The following TOM1L2 variants were observed in gnomAD, a reference collection of about 807,000 sequenced individuals.
The protein encoded by TOM1L2 is target of myb1 like 2 membrane trafficking protein, also known as TOM1-like protein 2.
In TOM1L2, 31 loss-of-function variants were observed where a neutral mutation model predicts 67.9. The ratio of observed to expected loss-of-function variants is 0.46; its 90% CI spans 0.34 to 0.62. The LOEUF is 0.62. TOM1L2 is among the 20% of genes least tolerant of loss of function. The pLI, the probability that TOM1L2 is intolerant of heterozygous loss-of-function variation, is 0.01. For synonymous variants in TOM1L2, 256 were observed against 254.0 expected, an observed-to-expected ratio of 1.01 and a Z score of -0.07; for missense variants, 606 against 663.5, an observed-to-expected ratio of 0.91 and a Z score of 0.95.
At chr17:17,954,464 C>T (rs570154265) in intron 1 of TOM1L2, among the ~76,000 whole-genome samples, 23 of 152,270 alleles carry the variant, frequency 1.5e-4, no homozygotes, top group African/African-American at 5.1e-4. Context: ...AGGAACCCAC[C>T]ACCATGTCCT....
chr17:17,926,238 T>C (rs1598351752), intron 1 of TOM1L2, among the ~76,000 whole-genome samples: 1 of 141,394 alleles, frequency 7.1e-6, no homozygotes, highest in African/African-American at 2.7e-5. Flanking sequence ...GTAAGCTTCA[T>C]TACTTAGTCT....
chr17:17,946,818 G>C (rs972840540), intron 1 of TOM1L2, among the ~76,000 whole-genome samples: 4 of 152,074 alleles, frequency 2.6e-5, no homozygotes, highest in African/African-American at 4.8e-5. Flanking sequence ...TCTGCCTCCT[G>C]GGTTCAAGCC....
intron 1 of TOM1L2, among the ~76,000 whole-genome samples, chr17:17,940,943 T>TAGA (rs1277831498): frequency 1.3e-5 from 2 of 152,224 alleles, no homozygotes; most frequent in East Asian, 3.8e-4. Context: ...GGCTTCTCTA[T>TAGA]GATGCTTGCA....
chr17:17,911,873 C>T (rs1329837545), intron 1 of TOM1L2, among the ~76,000 whole-genome samples: 1 of 148,106 alleles, frequency 6.8e-6, no homozygotes, highest in Admixed American at 6.8e-5. Flanking sequence ...AGCATGCTGC[C>T]TTCAAGCATC....
intron 11 of TOM1L2, 171 bp downstream of exon 11, chr17:17,862,560 G>T: frequency 1.6e-6 from 1 of 627,210 alleles, no homozygotes; most frequent in South Asian, 1.9e-5. Flanking sequence ...GAGGTGGGCA[G>T]TTGGTATTTA....
At chr17:17,966,095 T>G (rs1400694462) in intron 1 of TOM1L2, among the ~76,000 whole-genome samples, 2 of 152,144 alleles carry the variant, frequency 1.3e-5, no homozygotes, top group Non-Finnish European at 2.9e-5. Flanking sequence ...CACTCCACCC[T>G]GGGCAACAGA....
intron 12 of TOM1L2, among the ~76,000 whole-genome samples, chr17:17,856,175 G>A (rs985769188): frequency 6.6e-6 from 1 of 152,228 alleles, no homozygotes; most frequent in African/African-American, 2.4e-5. Context: ...GGATTAATAG[G>A]CACAAGGGCA....
intron 1 of TOM1L2, among the ~76,000 whole-genome samples, chr17:17,953,190 G>A (rs1026218724): frequency 5.3e-5 from 8 of 152,198 alleles, no homozygotes; most frequent in Non-Finnish European, 1.5e-5. Context: ...TGAGGCAGGA[G>A]AACTGCTTGA....
chr17:17,857,843 A>G, intron 12 of TOM1L2: 1 of 1,535,696 alleles, frequency 6.5e-7, no homozygotes, highest in Non-Finnish European at 8.7e-7. Context: ...TTCTGGGCCG[A>G]GGACAGAAAA....
rs575912439 is a variant in TOM1L2 at position 17,910,561 on chromosome 17, C to CTAT, written c.53-3033_53-3031dup. Among the ~76,000 whole-genome samples, 655 of 151,798 alleles carry CTAT rather than the reference C, an allele frequency of 4.3e-3. 6 individuals carry two copies. The highest frequency in any genetic ancestry group is 0.015 in the African/African-American group (608 of 41,378). ...ATGGGGTGGGATTCAGTGATTATTA[C>CTAT]TATTATTATTATTATTATTTTTATG... On this transcript the variant is annotated intron_variant, in intron 1 of 14. Transcript: ENST00000379504.
At chr17:17,864,508 CTTTT>C (rs1170977424) in intron 10 of TOM1L2, among the ~76,000 whole-genome samples, 3 of 139,904 alleles carry the variant, frequency 2.1e-5, no homozygotes, top group East Asian at 2.0e-4. Context: ...CCGCACCCGG[CTTTT>C]TTTTTTTTTT....
intron 5 of TOM1L2, among the ~76,000 whole-genome samples, chr17:17,883,415 T>C (rs1598261574): frequency 6.6e-6 from 1 of 152,220 alleles, no homozygotes; most frequent in East Asian, 1.9e-4. Context: ...TCTGGAGGGA[T>C]CATGATGAAA....
chr17:17,959,987 A>G (rs2041619504), intron 1 of TOM1L2, among the ~76,000 whole-genome samples: 1 of 152,250 alleles, frequency 6.6e-6, no homozygotes, highest in African/African-American at 2.4e-5. Context: ...TAAAATACAC[A>G]GGTCTTCCAT....
intron 1 of TOM1L2, among the ~76,000 whole-genome samples, chr17:17,934,628 T>C (rs973962376): frequency 3.9e-5 from 6 of 152,244 alleles, no homozygotes; most frequent in Non-Finnish European, 8.8e-5. Context: ...TAAAAATACA[T>C]ATTTATTTTG....
At chr17:17,886,148 A>G (rs932742007) in intron 4 of TOM1L2, among the ~76,000 whole-genome samples, 7 of 151,840 alleles carry the variant, frequency 4.6e-5, no homozygotes, top group African/African-American at 1.7e-4. Context: ...ATGTGGTACA[A>G]CCAATCCTGA....
intron 14 of TOM1L2, 24 bp downstream of exon 14, chr17:17,848,798 TG>T: frequency 1.9e-6 from 3 of 1,613,712 alleles, no homozygotes; most frequent in Non-Finnish European, 2.5e-6. Context: ...AAAAGGGGGC[TG>T]TAAGGCCACT....
At chr17:17,971,873 C>A in intron 1 of TOM1L2, among the ~76,000 whole-genome samples, 1 of 151,786 alleles carries the variant, frequency 6.6e-6, no homozygotes, top group South Asian at 2.1e-4. Context: ...GAGGTGGCAC[C>A]AGTGCCCGGG....
intron 1 of TOM1L2, among the ~76,000 whole-genome samples, chr17:17,942,605 T>C (rs921913651): frequency 6.6e-6 from 1 of 151,892 alleles, no homozygotes; most frequent in Non-Finnish European, 1.5e-5. Flanking sequence ...ATGAGGGAGG[T>C]ATTATGTCCC....
intron 1 of TOM1L2, among the ~76,000 whole-genome samples, chr17:17,962,429 C>T (rs2041720215): frequency 6.6e-6 from 1 of 151,836 alleles, no homozygotes; most frequent in Non-Finnish European, 1.5e-5. Context: ...TCTCCTGCTT[C>T]AGCCTCCCGA....
Sources: allele counts gnomAD v4.1 joint callset (sites outside exome capture counted in the v4.1 genomes callset), GRCh38; gene constraint gnomAD v4.1.1; transcripts MANE v1.5; gene names NCBI Gene and HGNC (gene_info 2026-07-23, HGNC 2026-07-21).